ADAMTS10: variants seen among roughly 807,000 people sequenced by gnomAD.
The protein encoded by ADAMTS10 is ADAM metallopeptidase with thrombospondin type 1 motif 10, also known as A disintegrin and metalloproteinase with thrombospondin motifs 10.
ADAMTS10 carries 48 observed loss-of-function variants against 135.9 expected under a neutral mutation model. The ratio of observed to expected loss-of-function variants is 0.35; its 90% CI spans 0.28 to 0.45. The LOEUF (loss-of-function observed/expected upper bound fraction) is 0.45. Among genes scored for constraint, ADAMTS10 ranks in the 20% least tolerant of loss-of-function variants. The probability of loss-of-function intolerance (pLI) is 1.00; values close to 1 mark genes in which losing one functional copy is unlikely to be tolerated. For missense variants in ADAMTS10, 1,131 were observed against 1,565.2 expected (o/e 0.72, Z 4.68); for synonymous variants, 621 against 647.5 (o/e 0.96, Z 0.62).
rs1397355355 is a variant in ADAMTS10, at chr19:8,585,288, C to G, written c.2886G>C (p.Pro962=). ...AAAGGACCACGCGGTGGCGGAGGCC[C>G]GGCCCGCAGCTGGGGGTGCACTGCA... ...DWSECTPSCG[P]GLRHRVVLCK... The change falls in exon 24 of 26, where the codon CCG becomes CCC. Residue 962 remains proline, a synonymous_variant. Coordinates refer to ENST00000597188, the MANE Select transcript of ADAMTS10 (RefSeq NM_030957.4). 20 of 1,519,292 alleles carry G rather than the reference C, an allele frequency of 1.3e-5. No homozygotes were observed. The East Asian group carries it at 4.6e-4, about 35-fold the overall frequency. The allele number at this position is 1,519,292 out of a possible 1,614,324, so 94.1% of individuals were successfully genotyped here.
At chr19:8,587,253 C>T (rs35347177) in intron 18 of ADAMTS10, among the ~76,000 whole-genome samples, 33,220 of 148,888 alleles carry the variant, frequency 0.22, 4,447 homozygotes, top group South Asian at 0.34. Flanking sequence ...GACTCCTAGG[C>T]TTAGGTGATC....
intron 12 of ADAMTS10, 53 bp downstream of exon 12, chr19:8,595,708 AG>A: frequency 9.6e-5 from 54 of 563,714 alleles, no homozygotes; most frequent in Non-Finnish European, 1.3e-4. Flanking sequence ...TCCCTCCCCC[AG>A]CCCCAGCGGC....
intron 6 of ADAMTS10, among the ~76,000 whole-genome samples, chr19:8,597,886 C>G (rs1301768627): frequency 6.6e-6 from 1 of 151,740 alleles, no homozygotes; most frequent in African/African-American, 2.4e-5. Flanking sequence ...TCACTGCAAC[C>G]TCCGCCTCCT....
In ADAMTS10 at chr19:8,586,735, C is replaced by A; in HGVS notation, c.2240-14G>T. 6.2e-7 allele frequency: 1 copy of A among 1,614,112 alleles called. No individual in the cohort carries two copies. The highest frequency in any genetic ancestry group is 8.5e-7 in the Non-Finnish European group (1 of 1,180,016). Reference sequence around the variant, plus strand: ...CTCCCTTCAGGGCTGGGGGACGATGCAGGGTTCAGAATTCTAGTCATGCTG... The same window carrying A: ...CTCCCTTCAGGGCTGGGGGACGATGAAGGGTTCAGAATTCTAGTCATGCTG... On this transcript the variant is annotated splice_polypyrimidine_tract_variant and intron_variant, in intron 19 of 25. Transcript: ENST00000597188.
chr19:8,582,325 G>T (rs183057073), intron 25 of ADAMTS10, among the ~76,000 whole-genome samples: 1 of 151,878 alleles, frequency 6.6e-6, no homozygotes, highest in African/African-American at 2.4e-5. Context: ...AAAATTAGCC[G>T]GGCGTGGTGG....
intron 2 of ADAMTS10, among the ~76,000 whole-genome samples, chr19:8,606,265 G>A: frequency 6.6e-6 from 1 of 152,126 alleles, no homozygotes; most frequent in East Asian, 1.9e-4. Context: ...GTCTCACTTT[G>A]TTGCCCAGGC....
Position 8,586,481 on chromosome 19 carries a change from G to A in ADAMTS10, c.2404-11C>T. ...GGTCCGGGCCAGCACCTGGAGAAAG[G>A]GGGCGGCAGCCAGTGGAAGGATCGC... On this transcript the variant is annotated splice_polypyrimidine_tract_variant and intron_variant, in intron 20 of 25. Coordinates refer to ENST00000597188, the MANE Select transcript of ADAMTS10 (RefSeq NM_030957.4). 1 of 1,613,478 alleles carries A rather than the reference G, an allele frequency of 6.2e-7. No individual in the cohort carries two copies. Among genetic ancestry groups the A allele is most frequent in the African/African-American group, 1.3e-5 (1 of 75,044 alleles).
In ADAMTS10 at chr19:8,602,191, C is replaced by T. The variant is rs558577332; in HGVS notation, c.593-1046G>A. Among the ~76,000 whole-genome samples the T allele has an allele frequency of 1.4e-4, 21 of 152,250 alleles. No homozygotes were observed. The East Asian group carries it at 1.7e-3, about 13-fold the overall frequency. The stretch of plus-strand genomic sequence containing the variant: ...TGGACCACCCAACTGTGACATCGTA[C>T]GTCATCCACCTTTTTTCTGTCTGTA... On this transcript the variant is annotated intron_variant, in intron 5 of 25. Coordinates refer to ENST00000597188, the MANE Select transcript of ADAMTS10 (RefSeq NM_030957.4).
chr19:8,596,016 T>C lies in ADAMTS10; in HGVS notation c.1337+57A>G. The C allele has an allele frequency of 6.2e-7, 1 of 1,613,924 alleles. No individual in the cohort carries two copies. Among genetic ancestry groups the C allele is most frequent in the African/African-American group, 1.3e-5 (1 of 75,050 alleles). On this transcript the variant is annotated intron_variant, in intron 11 of 25. Coordinates refer to ENST00000597188, the MANE Select transcript of ADAMTS10 (RefSeq NM_030957.4). This position sits in a 1 kb window ranked among gnomAD's most constrained non-coding sequence, Gnocchi z 7.2. ...TCCCTGATTTCTATCGTCTCCCGTG[T>C]ACCCTGCCCCACCATGAGTGTGACC... is the stretch of plus-strand genomic sequence containing the variant.
At chr19:8,606,735 TG>T (rs2042726088) in intron 2 of ADAMTS10, among the ~76,000 whole-genome samples, 1 of 152,126 alleles carries the variant, frequency 6.6e-6, no homozygotes, top group Middle Eastern at 3.2e-3. Context: ...TGGTAGAACC[TG>T]GGTTCATTCA....
At chr19:8,585,698 CA>C (rs1177754279) in intron 22 of ADAMTS10, 38 bp from the exon 23 acceptor site, 32 of 1,596,250 alleles carry the variant, frequency 2.0e-5, no homozygotes, top group Non-Finnish European at 2.6e-5. Flanking sequence ...GTAAGCAGGG[CA>C]GGGGGTCCCA....
In ADAMTS10 at chr19:8,592,155, G is replaced by T; in HGVS notation, c.1588-52C>A. The T allele has an allele frequency of 2.5e-6, 4 of 1,612,612 alleles. No individual in the cohort carries two copies. The South Asian group carries it at 4.4e-5, about 18-fold the overall frequency. ...GAGTCCAGCCCGGAGGACACTCGTC[G>T]GCCCCATGCACCGTTCCCCACTCCA... On this transcript the variant is annotated intron_variant, in intron 13 of 25. Transcript: ENST00000597188.
At chr19:8,587,758 C>T (rs922809200) in intron 18 of ADAMTS10, among the ~76,000 whole-genome samples, 1 of 151,732 alleles carries the variant, frequency 6.6e-6, no homozygotes, top group Non-Finnish European at 1.5e-5. Flanking sequence ...GGTGAAACCC[C>T]ATCTCTACTA....
intron 12 of ADAMTS10, among the ~76,000 whole-genome samples, chr19:8,594,568 C>G (rs2042581398): frequency 6.6e-6 from 1 of 152,212 alleles, no homozygotes; most frequent in Admixed American, 6.5e-5. Flanking sequence ...TCCCCTGCCC[C>G]TTTGTAAAAT....
chr19:8,585,065 G>T lies in ADAMTS10; in HGVS notation c.3043-11C>A. On this transcript the variant is annotated splice_polypyrimidine_tract_variant and intron_variant, in intron 24 of 25. Coordinates refer to ENST00000597188, the MANE Select transcript of ADAMTS10 (RefSeq NM_030957.4). ...GCACTGTGCAGAGCACTGCGAGGGGGCACCACTCAGTTGCTGCCCCGCAGC... is the reference window on the plus strand; with the variant it reads ...GCACTGTGCAGAGCACTGCGAGGGGTCACCACTCAGTTGCTGCCCCGCAGC... The T allele has an allele frequency of 6.6e-7, 1 of 1,515,488 alleles. No individual in the cohort carries two copies. The allele number at this position is 1,515,488 out of a possible 1,614,324, so 93.9% of individuals were successfully genotyped here.
intron 2 of ADAMTS10, among the ~76,000 whole-genome samples, 170 bp downstream of exon 2, chr19:8,607,964 C>A (rs574320837): frequency 2.0e-5 from 3 of 151,864 alleles, no homozygotes; most frequent in Non-Finnish European, 2.9e-5. Flanking sequence ...GTGTGCGCCA[C>A]CATGCCCAGC....
rs117220199 is a variant in ADAMTS10, at chr19:8,589,596, C to T, written c.1901-11G>A. On this transcript the variant is annotated splice_polypyrimidine_tract_variant and intron_variant, in intron 16 of 25. Transcript: ENST00000597188. The stretch of plus-strand genomic sequence containing the variant: ...AGGCCTTCACGCCCCCTGGGGGGCA[C>T]GGCCCCGTCACACCACGGGCCAGGC... 1.3e-3 allele frequency: 2,150 copies of T among 1,613,104 alleles called. 43 individuals are homozygous for T. In the East Asian group the frequency reaches 0.043, roughly 32 times the overall value.
chr19:8,586,306 C>T, intron 21 of ADAMTS10, 38 bp downstream of exon 21: 1 of 1,613,432 alleles, frequency 6.2e-7, no homozygotes, highest in South Asian at 1.1e-5. Flanking sequence ...AGAACCTCAG[C>T]CCAGGTATCT....
In ADAMTS10 at chr19:8,586,552, T is replaced by A. The variant is rs372863740; in HGVS notation, c.2403+6A>T. Reference sequence around the variant, plus strand: ...GGCTGCACCTTGCCCCCAGTCTCCCTGTTACCATGACGATGAGAGATGCAT... The same window carrying A: ...GGCTGCACCTTGCCCCCAGTCTCCCAGTTACCATGACGATGAGAGATGCAT... On this transcript the variant is annotated splice_donor_region_variant and intron_variant, in intron 20 of 25. Coordinates refer to ENST00000597188, the MANE Select transcript of ADAMTS10 (RefSeq NM_030957.4). The A allele has an allele frequency of 3.7e-6, 6 of 1,613,454 alleles. No homozygotes were observed. The African/African-American group carries it at 8.0e-5, about 22-fold the overall frequency.
Sources: allele counts gnomAD v4.1 joint callset (sites outside exome capture counted in the v4.1 genomes callset), GRCh38; gene constraint gnomAD v4.1.1; non-coding constraint Gnocchi (gnomAD v3.1); transcripts MANE v1.5; gene names NCBI Gene and HGNC (gene_info 2026-07-23, HGNC 2026-07-21).